Variants in TMOD3 observed in about 807,000 individuals in gnomAD.
TMOD3 encodes tropomodulin-3.
A neutral mutation model predicts 39.2 loss-of-function variants in TMOD3; 20 were observed. The observed-to-expected ratio is 0.51, with a 90% confidence interval of 0.36 to 0.74. The LOEUF is 0.74. TMOD3 is among the 30% of genes least tolerant of loss of function. The probability of loss-of-function intolerance (pLI) is 0.00; values close to 1 mark genes in which losing one functional copy is unlikely to be tolerated. For missense variants in TMOD3, 381 were observed against 412.8 expected (o/e 0.92, Z 0.67); for synonymous variants, 143 against 145.8 (o/e 0.98, Z 0.14).
rs567270275 is a variant in TMOD3 at position 51,913,803 on chromosome 15, A to C, written c.*4993A>C. ...CGAGGCCGACGGATCACTTGAGCTCAGGAGTTTGAGACCAACCTGCGTAAC... is the reference window on the plus strand; with the variant it reads ...CGAGGCCGACGGATCACTTGAGCTCCGGAGTTTGAGACCAACCTGCGTAAC... On this transcript the variant is annotated 3_prime_UTR_variant, in exon 10 of 10. Coordinates refer to ENST00000308580, the MANE Select transcript of TMOD3 (RefSeq NM_014547.5). 1.3e-5 allele frequency: 2 copies of C among 152,174 alleles called. No individual in the cohort carries two copies. Among genetic ancestry groups the C allele is most frequent in the Non-Finnish European group, 2.9e-5 (2 of 68,064 alleles). The allele number at this position is 152,174 out of a possible 1,614,324, so 9.4% of individuals were successfully genotyped here.
chr15:51,881,430 A>C (rs977856713), intron 3 of TMOD3, among the ~76,000 whole-genome samples: 6 of 151,874 alleles, frequency 4.0e-5, no homozygotes, highest in African/African-American at 1.2e-4. Context: ...GCCCCACAAA[A>C]GTTTTTAATT....
rs375578220 is a variant in TMOD3, at chr15:51,846,317, T to TCAAAACAAAA, written c.-74-16473_-74-16464dup. ...CTACACTTTAGCCTGGGTAACAGGC[T>TCAAAACAAAA]CAAAACAAAACAAAACAAAACAAAA... is the stretch of plus-strand genomic sequence containing the variant. On this transcript the variant is annotated intron_variant, in intron 1 of 9. Coordinates refer to ENST00000308580, the MANE Select transcript of TMOD3 (RefSeq NM_014547.5). 6.2e-3 allele frequency among the ~76,000 whole-genome samples: 937 copies of TCAAAACAAAA among 152,004 alleles called. 9 individuals carry two copies. Among genetic ancestry groups the TCAAAACAAAA allele is most frequent in the African/African-American group, 0.022 (904 of 41,402 alleles).
intron 6 of TMOD3, among the ~76,000 whole-genome samples, chr15:51,894,367 A>G (rs1370924336): frequency 1.3e-5 from 2 of 152,204 alleles, no homozygotes; most frequent in East Asian, 1.9e-4. Flanking sequence ...CCTGGGCAAC[A>G]TAGTGAGACC....
chr15:51,869,320 C>T lies in TMOD3; in HGVS notation c.230C>T (p.Ala77Val). 6.2e-7 allele frequency: 1 copy of T among 1,614,020 alleles called. No individual in the cohort carries two copies. The highest frequency in any genetic ancestry group is 1.1e-5 in the South Asian group (1 of 91,062). Reference protein sequence around the residue: ...EHLLSYLEKEALEHKDREDYV... With the variant: ...EHLLSYLEKEVLEHKDREDYV... ...CTCCTTTCATATCTGGAGAAAGAAG[C>T]ATTGGAGCATAAAGACAGGGAAGAC... Residue 77 changes from alanine to valine, a missense_variant, in exon 3 of 10, where the codon GCA (alanine) becomes GTA (valine). Coordinates refer to ENST00000308580, the MANE Select transcript of TMOD3 (RefSeq NM_014547.5).
At chr15:51,844,441 A>G (rs1032280171) in intron 1 of TMOD3, among the ~76,000 whole-genome samples, 10 of 152,184 alleles carry the variant, frequency 6.6e-5, no homozygotes, top group African/African-American at 2.4e-4. Context: ...TGTTTCCCAA[A>G]GGCCTCTTTC....
chr15:51,888,056 C>A (rs2056574107), intron 4 of TMOD3, among the ~76,000 whole-genome samples: 1 of 152,164 alleles, frequency 6.6e-6, no homozygotes, highest in Non-Finnish European at 1.5e-5. Flanking sequence ...TCAGGGTCAA[C>A]CGCTGACCTA....
intron 1 of TMOD3, among the ~76,000 whole-genome samples, chr15:51,842,089 T>G (rs566211711): frequency 1.2e-4 from 18 of 152,334 alleles, no homozygotes; most frequent in African/African-American, 4.1e-4. Flanking sequence ...TTTGACTTTT[T>G]ATTATATGTT....
intron 7 of TMOD3, among the ~76,000 whole-genome samples, chr15:51,897,570 C>T (rs146400166): frequency 6.9e-4 from 104 of 150,022 alleles, no homozygotes; most frequent in African/African-American, 2.0e-3. Flanking sequence ...CTGCAACCTC[C>T]GCCTCCCGGG....
chr15:51,898,665 T>C (rs1438262207), intron 7 of TMOD3, among the ~76,000 whole-genome samples: 1 of 152,234 alleles, frequency 6.6e-6, no homozygotes, highest in East Asian at 1.9e-4. Flanking sequence ...CCAGCCACAG[T>C]TTTTTTAGTA....
At chr15:51,881,558 T>C (rs2056534312) in intron 3 of TMOD3, among the ~76,000 whole-genome samples, 1 of 134,400 alleles carries the variant, frequency 7.4e-6, no homozygotes, top group Non-Finnish European at 1.6e-5. Context: ...TTCTTTTTTT[T>C]TTTTTTTTTT....
At chr15:51,905,664 C>T (rs968196078) in intron 9 of TMOD3, among the ~76,000 whole-genome samples, 2 of 152,128 alleles carry the variant, frequency 1.3e-5, no homozygotes, top group African/African-American at 4.8e-5. Context: ...TCTTATTGCT[C>T]TATTAGAGTT....
In TMOD3 at chr15:51,908,788, G is replaced by A. The variant is rs1295421680; in HGVS notation, c.1037G>A (p.Arg346Gln). ...ATTTTTCTCATAGTGCGTAAGAGAC[G>A]AGTTGAAGGAGATCACCAGTAAGTC... ...TKNNDLVRKR[R>Q]VEGDHQ The change falls in exon 10 of 10, where the codon CGA (arginine) becomes CAA (glutamine). Residue 346 changes from arginine (R) to glutamine (Q), a missense_variant. Physicochemically the swap from Arg to Gln is conservative, Grantham distance 43. Transcript: ENST00000308580. 1.9e-6 allele frequency: 3 copies of A among 1,607,404 alleles called. No homozygotes were observed. Among genetic ancestry groups the A allele is most frequent in the Non-Finnish European group, 2.5e-6 (3 of 1,177,480 alleles).
chr15:51,892,978 G>A lies in TMOD3; in HGVS notation c.497-837G>A, dbSNP rs543970491. ...TGAATATGTTTGGTATTTATATTCA[G>A]TAAAATTTTATTTGGGTGCTTTAAA... On this transcript the variant is annotated intron_variant, in intron 5 of 9. Coordinates refer to ENST00000308580, the MANE Select transcript of TMOD3 (RefSeq NM_014547.5). 2.0e-5 allele frequency among the ~76,000 whole-genome samples: 3 copies of A among 152,234 alleles called. No individual in the cohort carries two copies. In the South Asian group the frequency reaches 6.2e-4, roughly 32 times the overall value.
chr15:51,907,020 CAA>C (rs11419380), intron 9 of TMOD3, among the ~76,000 whole-genome samples: 13 of 116,016 alleles, frequency 1.1e-4, no homozygotes, highest in Non-Finnish European at 9.1e-5. Flanking sequence ...AACTCCGTCT[CAA>C]AAAAAAAAAA....
chr15:51,888,917 A>G (rs2056578864), intron 4 of TMOD3, 139 bp from the exon 5 acceptor site: 1 of 585,374 alleles, frequency 1.7e-6, no homozygotes, highest in Non-Finnish European at 3.0e-6. Context: ...ATTTTTAATC[A>G]TTTTGTTTTC....
intron 1 of TMOD3, chr15:51,859,486 T>C: frequency 1.5e-6 from 1 of 655,782 alleles, no homozygotes; most frequent in South Asian, 1.4e-5. Context: ...TGTAAACTTT[T>C]ATACACAGCT....
In TMOD3 at chr15:51,896,437, CT is replaced by C; in HGVS notation, c.647del (p.Leu216GlnfsTer14). On this transcript the variant is annotated frameshift_variant, in exon 7 of 10. Transcript: ENST00000308580. LOFTEE classifies it high-confidence loss of function. Reference protein sequence around the residue: ...NNIKNIPIPTLKDFAKALETN... With the variant: ...NNIKNIPIPTXKDFAKALETN... ...TTTCAAGAATATCCCAATTCCAACCCTAAAAGATTTTGCAAAGGCTTTGGAA... is the reference window on the plus strand; with the variant it reads ...TTTCAAGAATATCCCAATTCCAACCCAAAAGATTTTGCAAAGGCTTTGGAA... 1.2e-6 allele frequency: 2 copies of C among 1,612,302 alleles called. No individual in the cohort carries two copies. The highest frequency in any genetic ancestry group is 1.7e-6 in the Non-Finnish European group (2 of 1,178,842).
At position 51,910,897 on chromosome 15, in the gene TMOD3, CACTT is replaced by C. The variant is rs904403705; in HGVS notation, c.*2088_*2091del. ...GATATTTTTCTAAGTTAGCAAGGCT[CACTT>C]GCTTGCTTTCTTGCCTCCCTTGCCT... is the stretch of plus-strand genomic sequence containing the variant. On this transcript the variant is annotated 3_prime_UTR_variant, in exon 10 of 10. Coordinates refer to ENST00000308580, the MANE Select transcript of TMOD3 (RefSeq NM_014547.5). The C allele has an allele frequency of 1.3e-5, 2 of 152,220 alleles. No homozygotes were observed. The highest frequency in any genetic ancestry group is 2.9e-5 in the Non-Finnish European group (2 of 68,068). The allele number at this position is 152,220 out of a possible 1,614,324, so 9.4% of individuals were successfully genotyped here. A position where few individuals can be genotyped will look rare whatever the true frequency, so the allele number is the denominator to read the frequency against.
At chr15:51,902,718 C>T (rs1267298341) in intron 9 of TMOD3, among the ~76,000 whole-genome samples, 1 of 145,794 alleles carries the variant, frequency 6.9e-6, no homozygotes, top group African/African-American at 2.5e-5. Context: ...GGCACGATCT[C>T]GGCTCACTGC....
Sources: gnomAD v4.1 joint callset for allele counts (sites outside exome capture counted in the v4.1 genomes callset) on GRCh38, gnomAD v4.1.1 for gene constraint, MANE v1.5 for transcripts, NCBI Gene and HGNC (gene_info 2026-07-23, HGNC 2026-07-21) for gene names.